Variants in NBDY observed in about 807,000 individuals in gnomAD.
NBDY encodes the protein negative regulator of P-body association, also known as P-body dissociating protein.
At chrX:56,735,945 CA>C (rs35820296) in intron 2 of NBDY, among the ~76,000 whole-genome samples, 16,329 of 64,094 alleles carry the variant, frequency 0.25, 1,235 homozygotes, top group Non-Finnish European at 0.31. Flanking sequence ...ATCTGACTAG[CA>C]AAAAAAAAAA....
At chrX:56,802,216 C>A (rs1368261955) in intron 2 of NBDY, among the ~76,000 whole-genome samples, 2 of 112,155 alleles carry the variant, frequency 1.8e-5, no homozygotes, top group Non-Finnish European at 3.8e-5. Context: ...CTAAGGCCTT[C>A]TCCTGAGAAT....
chrX:56,783,439 A>G (rs2069707774), intron 2 of NBDY, among the ~76,000 whole-genome samples: 2 of 112,750 alleles, frequency 1.8e-5, no homozygotes, highest in African/African-American at 6.5e-5. Flanking sequence ...TCTGGCTGTC[A>G]GTGGCCAGTG....
chrX:56,813,976 T>G (rs2069899079), intron 2 of NBDY, among the ~76,000 whole-genome samples: 1 of 112,135 alleles, frequency 8.9e-6, no homozygotes, highest in East Asian at 2.8e-4. Flanking sequence ...TTTTTTTTGT[T>G]TTTCATTTTT....
At position 56,767,741 on chromosome X, in the gene NBDY, G is replaced by T. The variant is rs374412728; in HGVS notation, c.*166+35542G>T. 9.9e-4 allele frequency among the ~76,000 whole-genome samples: 107 copies of T among 108,128 alleles called. 1 individual carries two copies. The East Asian group carries it at 0.021, about 21-fold the overall frequency. 93.9% of individuals were successfully genotyped at this position (108,128 alleles called of 115,157 possible). ...TGCTTTTTTCACACGAGAAAGGGCG[G>T]AGGCCCTCGGATTGGAGGGGCAGGG... On this transcript the variant is annotated intron_variant, in intron 2 of 2. Coordinates refer to ENST00000374922, the MANE Select transcript of NBDY (RefSeq NM_001348129.2).
intron 2 of NBDY, among the ~76,000 whole-genome samples, chrX:56,782,009 G>A (rs2069694696): frequency 9.0e-6 from 1 of 111,332 alleles, no homozygotes; most frequent in Non-Finnish European, 1.9e-5. Flanking sequence ...CTGTAGTTCT[G>A]CAGGCCAATT....
At chrX:56,744,577 A>C (rs1192023143) in intron 2 of NBDY, among the ~76,000 whole-genome samples, 1 of 111,873 alleles carries the variant, frequency 8.9e-6, no homozygotes, top group Non-Finnish European at 1.9e-5. Context: ...AATAGAATTT[A>C]TAATTAGTAT....
chrX:56,743,965 T>A (rs1022134754), intron 2 of NBDY, among the ~76,000 whole-genome samples: 1 of 110,693 alleles, frequency 9.0e-6, no homozygotes, highest in African/African-American at 3.3e-5. Flanking sequence ...TAAACTTCCC[T>A]CTTAGTACTG....
intron 2 of NBDY, among the ~76,000 whole-genome samples, chrX:56,744,634 T>G (rs2069547556): frequency 8.9e-6 from 1 of 111,820 alleles, no homozygotes; most frequent in African/African-American, 3.2e-5. Flanking sequence ...TTTACTAATT[T>G]TTTATTTTAT....
rs751881586 is a variant in NBDY, at chrX:56,808,933, G to A, written c.*167-8387G>A. ...TTTCCCTCTCCACACTGCTTTAAAC[G>A]CATCCCTGAGATTCTGGTACGTTGT... is the stretch of plus-strand genomic sequence containing the variant. On this transcript the variant is annotated intron_variant, in intron 2 of 2. Transcript: ENST00000374922. 1.1e-4 allele frequency among the ~76,000 whole-genome samples: 12 copies of A among 112,624 alleles called. No individual in the cohort carries two copies. In the South Asian group the frequency reaches 1.5e-3, roughly 14 times the overall value.
chrX:56,812,513 C>T (rs1218214693), intron 2 of NBDY, among the ~76,000 whole-genome samples: 2 of 110,234 alleles, frequency 1.8e-5, no homozygotes, highest in Admixed American at 9.7e-5. Context: ...ACTTGATGGC[C>T]CCTTGAAGTG....
chrX:56,814,166 TTTC>T (rs766574300), intron 2 of NBDY, among the ~76,000 whole-genome samples: 1 of 111,469 alleles, frequency 9.0e-6, no homozygotes, highest in East Asian at 2.8e-4. Flanking sequence ...GTGGTGAATT[TTTC>T]TTCTTCCCAG....
chrX:56,749,578 C>T (rs1389672143), intron 2 of NBDY, among the ~76,000 whole-genome samples: 1 of 111,145 alleles, frequency 9.0e-6, no homozygotes, highest in Admixed American at 9.5e-5. Context: ...ATAGCTGCCA[C>T]CTTTACAGGC....
chrX:56,796,055 C>T (rs898450718), intron 2 of NBDY, among the ~76,000 whole-genome samples: 3 of 111,876 alleles, frequency 2.7e-5, no homozygotes, highest in African/African-American at 9.8e-5. Context: ...TCCTCTAGGC[C>T]GCTCTCAGTG....
At chrX:56,783,286 G>T (rs1251866821) in intron 2 of NBDY, among the ~76,000 whole-genome samples, 1 of 113,015 alleles carries the variant, frequency 8.8e-6, no homozygotes, top group Non-Finnish European at 1.9e-5. Context: ...TCCAGAAACT[G>T]CCGGGCATGA....
intron 2 of NBDY, among the ~76,000 whole-genome samples, chrX:56,797,716 C>T (rs978480748): frequency 3.6e-5 from 4 of 110,865 alleles, no homozygotes; most frequent in East Asian, 2.8e-4. Flanking sequence ...GTGAACAAAA[C>T]GATACGGATT....
chrX:56,746,650 ACTGTAGATCTGAGAT>A (rs1266315372), intron 2 of NBDY, among the ~76,000 whole-genome samples: 3 of 109,870 alleles, frequency 2.7e-5, no homozygotes, highest in Non-Finnish European at 5.7e-5. Context: ...GTTCCTTGCC[ACTGTAGATCTGAGAT>A]CTGTAGATCT....
intron 2 of NBDY, among the ~76,000 whole-genome samples, chrX:56,781,036 C>T (rs1387731842): frequency 9.0e-6 from 1 of 111,141 alleles, no homozygotes; most frequent in Non-Finnish European, 1.9e-5. Context: ...CACCTCGGGG[C>T]CCCTCCTTTT....
rs773179015 is a variant in NBDY, at chrX:56,787,799, C to G, written c.*167-29521C>G. ...GTGTTGAGTGTCCCCTGTGAGGAGA[C>G]TCTGGCCTCAGGCCCTGTAGCTGCC... On this transcript the variant is annotated intron_variant, in intron 2 of 2. Coordinates refer to ENST00000374922, the MANE Select transcript of NBDY (RefSeq NM_001348129.2). Among the ~76,000 whole-genome samples, 24 of 112,569 alleles carry G rather than the reference C, an allele frequency of 2.1e-4. No individual in the cohort carries two copies. In the Middle Eastern group the frequency reaches 0.019, roughly 87 times the overall value.
chrX:56,797,543 A>T (rs2069799751), intron 2 of NBDY, among the ~76,000 whole-genome samples: 1 of 110,986 alleles, frequency 9.0e-6, no homozygotes, highest in South Asian at 3.8e-4. Flanking sequence ...TGTTACTTTT[A>T]AGTGAAATGT....
Sources: allele counts gnomAD v4.1 joint callset (sites outside exome capture counted in the v4.1 genomes callset), GRCh38; gene constraint gnomAD v4.1.1; transcripts MANE v1.5; gene names NCBI Gene and HGNC (gene_info 2026-07-23, HGNC 2026-07-21).